Variants in PPP3CA observed in about 807,000 individuals in gnomAD.
PPP3CA encodes the protein protein phosphatase 3 catalytic subunit alpha.
In PPP3CA, 14 loss-of-function variants were observed where a neutral mutation model predicts 66.5. The ratio of observed to expected loss-of-function variants is 0.21; its 90% CI spans 0.14 to 0.33. The LOEUF (loss-of-function observed/expected upper bound fraction) is 0.33, where lower values mean the gene tolerates loss of function less well. Among genes scored for constraint, PPP3CA ranks in the 10% least tolerant of loss-of-function variants. The pLI, the probability that PPP3CA is intolerant of heterozygous loss-of-function variation, is 1.00. For missense variants in PPP3CA, 317 were observed against 639.5 expected (o/e 0.50, Z 5.44); for synonymous variants, 232 against 226.2 (o/e 1.03, Z -0.23).
chr4:101,235,851 A>G (rs1283825378), intron 1 of PPP3CA, among the ~76,000 whole-genome samples: 2 of 152,034 alleles, frequency 1.3e-5, no homozygotes, highest in East Asian at 3.9e-4. Flanking sequence ...TGCACTGTAT[A>G]AGGGCCCATA....
intron 10 of PPP3CA, among the ~76,000 whole-genome samples, chr4:101,056,763 G>C (rs1370483339): frequency 1.3e-5 from 2 of 151,566 alleles, no homozygotes; most frequent in African/African-American, 4.9e-5. Flanking sequence ...AGGGAGACAG[G>C]CTACAGGCTG....
intron 2 of PPP3CA, among the ~76,000 whole-genome samples, chr4:101,127,734 G>T (rs942494410): frequency 2.7e-5 from 4 of 150,650 alleles, no homozygotes; most frequent in Admixed American, 1.3e-4. Context: ...GAGTTCTATT[G>T]CTATACATAT....
Position 101,025,802 on chromosome 4 carries a change from C to G in PPP3CA, c.*63G>C. 3 of 1,317,134 alleles carry G rather than the reference C, an allele frequency of 2.3e-6. No individual in the cohort carries two copies. In the Admixed American group the frequency reaches 7.3e-5, roughly 32 times the overall value. 81.6% of individuals were successfully genotyped at this position (1,317,134 alleles called of 1,614,324 possible). A position where few individuals can be genotyped will look rare whatever the true frequency, so the allele number is the denominator to read the frequency against. On this transcript the variant is annotated 3_prime_UTR_variant, in exon 14 of 14. Transcript: ENST00000394854. ...TCCAACTGCTGATATGCAGCAATCCCCATCATGCCCCGCAGCTCAAAAAAA... is the reference window on the plus strand; with the variant it reads ...TCCAACTGCTGATATGCAGCAATCCGCATCATGCCCCGCAGCTCAAAAAAA...
chr4:101,329,661 C>T (rs958490303), intron 1 of PPP3CA, among the ~76,000 whole-genome samples: 2 of 152,104 alleles, frequency 1.3e-5, no homozygotes, highest in African/African-American at 4.8e-5. Flanking sequence ...GGGGTTAATG[C>T]AGCTGGTAAC....
At chr4:101,165,100 C>T (rs1352217808) in intron 2 of PPP3CA, among the ~76,000 whole-genome samples, 7 of 151,904 alleles carry the variant, frequency 4.6e-5, no homozygotes, top group African/African-American at 9.7e-5. Context: ...ATGGAATCTG[C>T]GATTAAACAA....
At chr4:101,133,473 C>T (rs1722516444) in intron 2 of PPP3CA, among the ~76,000 whole-genome samples, 1 of 152,086 alleles carries the variant, frequency 6.6e-6, no homozygotes, top group Admixed American at 6.6e-5. Flanking sequence ...AGAAATAAAT[C>T]ATGAGCAAAC....
At chr4:101,124,737 A>AAGAGAG (rs761411368) in intron 2 of PPP3CA, among the ~76,000 whole-genome samples, 2 of 73,970 alleles carry the variant, frequency 2.7e-5, no homozygotes, top group Admixed American at 2.7e-4. Flanking sequence ...GAAAGAAAGA[A>AAGAGAG]AGAAAGAAAG....
At chr4:101,253,758 T>A (rs1726750576) in intron 1 of PPP3CA, among the ~76,000 whole-genome samples, 1 of 152,096 alleles carries the variant, frequency 6.6e-6, no homozygotes, top group African/African-American at 2.4e-5. Flanking sequence ...CACACTCACA[T>A]TATTCTAGGC....
rs369281154 is a variant in PPP3CA, at chr4:101,099,600, A to G, written c.496+11T>C. 4.7e-4 allele frequency: 693 copies of G among 1,486,618 alleles called. 1 individual carries two copies. The highest frequency in any genetic ancestry group is 1.1e-3 in the South Asian group (94 of 83,444). The allele number at this position is 1,486,618 out of a possible 1,614,324, so 92.1% of individuals were successfully genotyped here. A position where few individuals can be genotyped will look rare whatever the true frequency, so the allele number is the denominator to read the frequency against. On this transcript the variant is annotated intron_variant, in intron 4 of 13. Coordinates refer to ENST00000394854, the MANE Select transcript of PPP3CA (RefSeq NM_000944.5). ...TATAGTGTTAAAGGAAGGAGGTTGA[A>G]GTATACTTACATTCTTGTTTAAATG...
At chr4:101,135,571 A>C (rs1039827258) in intron 2 of PPP3CA, among the ~76,000 whole-genome samples, 6 of 152,214 alleles carry the variant, frequency 3.9e-5, no homozygotes, top group Non-Finnish European at 8.8e-5. Flanking sequence ...TGAGGCACCA[A>C]GCTTATTTTC....
chr4:101,182,888 T>G (rs1724287529), intron 2 of PPP3CA, among the ~76,000 whole-genome samples: 1 of 152,110 alleles, frequency 6.6e-6, no homozygotes, highest in Admixed American at 6.6e-5. Context: ...AGCTCTCTCT[T>G]TGCCTGCTGC....
At chr4:101,272,514 C>T (rs928989150) in intron 1 of PPP3CA, among the ~76,000 whole-genome samples, 2 of 152,138 alleles carry the variant, frequency 1.3e-5, no homozygotes, top group African/African-American at 4.8e-5. Flanking sequence ...AGTATGTTTT[C>T]AACATTACTG....
chr4:101,156,164 A>G (rs1304718394), intron 2 of PPP3CA, among the ~76,000 whole-genome samples: 1 of 152,220 alleles, frequency 6.6e-6, no homozygotes, highest in Non-Finnish European at 1.5e-5. Context: ...ACCAAAGGTA[A>G]GCAATTCAGG....
intron 2 of PPP3CA, among the ~76,000 whole-genome samples, chr4:101,135,788 C>T (rs1019989907): frequency 5.9e-5 from 9 of 152,144 alleles, no homozygotes; most frequent in Non-Finnish European, 8.8e-5. Flanking sequence ...AACACCAAGT[C>T]GTTATTTTTA....
chr4:101,276,669 G>C (rs1727503761), intron 1 of PPP3CA, among the ~76,000 whole-genome samples: 1 of 152,048 alleles, frequency 6.6e-6, no homozygotes, highest in Non-Finnish European at 1.5e-5. Flanking sequence ...ACTATGTACA[G>C]GAAATAGGGT....
chr4:101,032,670 A>G (rs1727032085), intron 11 of PPP3CA, among the ~76,000 whole-genome samples: 1 of 152,206 alleles, frequency 6.6e-6, no homozygotes. Flanking sequence ...ATCTCAATAC[A>G]AAGTGTTTGT....
intron 8 of PPP3CA, among the ~76,000 whole-genome samples, chr4:101,071,350 T>C (rs564498721): frequency 1.3e-5 from 2 of 152,356 alleles, no homozygotes; most frequent in Non-Finnish European, 2.9e-5. Flanking sequence ...TTGTTTTCCA[T>C]GGAAATAATG....
intron 1 of PPP3CA, among the ~76,000 whole-genome samples, chr4:101,330,740 G>C (rs183647362): frequency 6.6e-6 from 1 of 151,962 alleles, no homozygotes; most frequent in Admixed American, 6.6e-5. Flanking sequence ...AAAAGGCAAC[G>C]TCTACAAAAA....
intron 1 of PPP3CA, among the ~76,000 whole-genome samples, chr4:101,238,800 ACCT>A (rs1726208803): frequency 6.6e-6 from 1 of 152,026 alleles, no homozygotes; most frequent in Admixed American, 6.6e-5. Context: ...AAGTCCTATC[ACCT>A]ACCCTTCAAC....
Sources: gnomAD v4.1 joint callset for allele counts (sites outside exome capture counted in the v4.1 genomes callset) on GRCh38, gnomAD v4.1.1 for gene constraint, MANE v1.5 for transcripts, NCBI Gene and HGNC (gene_info 2026-07-23, HGNC 2026-07-21) for gene names.